IGF1R: variants seen among roughly 807,000 people sequenced by gnomAD.
The protein encoded by IGF1R is insulin-like growth factor 1 receptor.
A neutral mutation model predicts 144.6 loss-of-function variants in IGF1R; 44 were observed. The ratio of observed to expected loss-of-function variants is 0.30; its 90% CI spans 0.24 to 0.39. IGF1R has a LOEUF of 0.39. Ranked by LOEUF, IGF1R falls within the 10% of genes least tolerant of loss-of-function variation. The pLI is 1.00. For synonymous variants in IGF1R, 795 were observed against 722.8 expected, an observed-to-expected ratio of 1.10 and a Z score of -1.60; for missense variants, 1,355 against 1,833.7, an observed-to-expected ratio of 0.74 and a Z score of 4.77.
chr15:98,766,213 A>C (rs2055434741), intron 2 of IGF1R, among the ~76,000 whole-genome samples: 2 of 152,210 alleles, frequency 1.3e-5, no homozygotes, highest in African/African-American at 4.8e-5. Flanking sequence ...CTAATTCACG[A>C]ATTCTAAAGC....
At chr15:98,651,406 C>T (rs1596140785) in intron 1 of IGF1R, among the ~76,000 whole-genome samples, 1 of 152,160 alleles carries the variant, frequency 6.6e-6, no homozygotes, top group African/African-American at 2.4e-5. Flanking sequence ...GAAAGCCTTC[C>T]GGCTCCCTTT....
rs1567055481 is a variant in IGF1R, at chr15:98,649,046, A to AGGT, written c.-534_-533insTGG. ...GAGCGGAGCCAGGAGGAGGAGGAGG[A>AGGT]GGGGGAGCCGCTCATTCATTTTGAC... On this transcript the variant is annotated 5_prime_UTR_variant, in exon 1 of 21. Transcript: ENST00000650285. 1 of 219,504 alleles carries AGGT rather than the reference A, an allele frequency of 4.6e-6. No individual in the cohort carries two copies. The highest frequency in any genetic ancestry group is 1.7e-4 in the South Asian group (1 of 5,938). 13.6% of individuals were successfully genotyped at this position (219,504 alleles called of 1,614,324 possible).
intron 2 of IGF1R, among the ~76,000 whole-genome samples, chr15:98,847,983 C>T (rs1355506280): frequency 6.6e-6 from 1 of 152,074 alleles, no homozygotes; most frequent in African/African-American, 2.4e-5. Flanking sequence ...GGCCCTGGGA[C>T]CATTGCTGGG....
intron 2 of IGF1R, among the ~76,000 whole-genome samples, chr15:98,859,240 C>T (rs1316560269): frequency 6.6e-6 from 1 of 152,178 alleles, no homozygotes; most frequent in African/African-American, 2.4e-5. Context: ...ATTGAAAGCA[C>T]ATTTCATTTA....
chr15:98,961,208 C>T lies in IGF1R; in HGVS notation c.*3766C>T, dbSNP rs2684788. 114,849 of 233,276 alleles carry T rather than the reference C, an allele frequency of 0.49. 28,745 individuals are homozygous for T. Among genetic ancestry groups the T allele is most frequent in the African/African-American group, 0.61 (27,749 of 45,348 alleles). 14.5% of individuals were successfully genotyped at this position (233,276 alleles called of 1,614,324 possible). A position where few individuals can be genotyped will look rare whatever the true frequency, so the allele number is the denominator to read the frequency against. On this transcript the variant is annotated 3_prime_UTR_variant, in exon 21 of 21. Coordinates refer to ENST00000650285, the MANE Select transcript of IGF1R (RefSeq NM_000875.5). ...CACTGTAGGTGACCCCTTGGAATAA[C>T]GGCCTCTCCTCTCGTGCACATACCT...
chr15:98,888,222 G>T (rs201489216), intron 2 of IGF1R, among the ~76,000 whole-genome samples: 1 of 152,188 alleles, frequency 6.6e-6, no homozygotes, highest in East Asian at 1.9e-4. Context: ...GCGTGCATCT[G>T]TCTGGCACAC....
intron 15 of IGF1R, among the ~76,000 whole-genome samples, chr15:98,930,881 TC>T (rs1017129253): frequency 1.3e-5 from 2 of 152,198 alleles, no homozygotes; most frequent in Non-Finnish European, 2.9e-5. Flanking sequence ...AGTTGGGTGA[TC>T]CTCAATGGTT....
chr15:98,895,222 CCACACACACACACACACACACA>C (rs10704966), intron 3 of IGF1R, among the ~76,000 whole-genome samples: 69 of 143,226 alleles, frequency 4.8e-4, no homozygotes, highest in Non-Finnish European at 7.0e-4. Context: ...TGACACAGCA[CCACACACACACACACACACACA>C]CACACACACA....
chr15:98,659,120 C>T lies in IGF1R; in HGVS notation c.94+9445C>T, dbSNP rs551000682. 3.3e-5 allele frequency among the ~76,000 whole-genome samples: 5 copies of T among 152,288 alleles called. No homozygotes were observed. The East Asian group carries it at 7.7e-4, about 23-fold the overall frequency. ...AAGGCTTACTTGATGTTTGATTGTC[C>T]TTGCCATTTAAATATGTTATAGAAC... is the stretch of plus-strand genomic sequence containing the variant. On this transcript the variant is annotated intron_variant, in intron 1 of 20. Transcript: ENST00000650285.
rs1384266878 is a variant in IGF1R at position 98,960,552 on chromosome 15, C to T, written c.*3110C>T. 5 of 233,392 alleles carry T rather than the reference C, an allele frequency of 2.1e-5. No homozygotes were observed. Among genetic ancestry groups the T allele is most frequent in the Non-Finnish European group, 4.2e-5 (5 of 118,228 alleles). 14.5% of individuals were successfully genotyped at this position (233,392 alleles called of 1,614,324 possible). On this transcript the variant is annotated 3_prime_UTR_variant, in exon 21 of 21. Coordinates refer to ENST00000650285, the MANE Select transcript of IGF1R (RefSeq NM_000875.5). ...AGGCAGCACCATCTCTGTGCGAATC[C>T]CCAGGGTAAAGGCGTGGGGCATTGG...
At chr15:98,696,612 T>A (rs1407154411) in intron 1 of IGF1R, among the ~76,000 whole-genome samples, 2 of 152,202 alleles carry the variant, frequency 1.3e-5, no homozygotes, top group African/African-American at 2.4e-5. Context: ...TTTGTAGCAG[T>A]GTTTTTCTTC....
At chr15:98,836,517 T>C (rs2057105297) in intron 2 of IGF1R, among the ~76,000 whole-genome samples, 1 of 140,460 alleles carries the variant, frequency 7.1e-6, no homozygotes, top group African/African-American at 2.9e-5. Flanking sequence ...AGACCCTGTC[T>C]CTTTAAAAAA....
At chr15:98,953,448 C>T (rs950516989) in intron 20 of IGF1R, among the ~76,000 whole-genome samples, 1 of 152,170 alleles carries the variant, frequency 6.6e-6, no homozygotes, top group African/African-American at 2.4e-5. Flanking sequence ...CAGCCCAGAT[C>T]TCGGTATTTA....
At chr15:98,825,038 T>C (rs73479799) in intron 2 of IGF1R, among the ~76,000 whole-genome samples, 7,101 of 152,166 alleles carry the variant, frequency 0.047, 542 homozygotes, top group African/African-American at 0.16. Flanking sequence ...AGTTTCACCA[T>C]GTTGGCCAGG....
intron 2 of IGF1R, among the ~76,000 whole-genome samples, chr15:98,802,133 T>C (rs2056376475): frequency 6.6e-6 from 1 of 152,158 alleles, no homozygotes; most frequent in Non-Finnish European, 1.5e-5. Flanking sequence ...GGTTTGTTAC[T>C]CTAAAAATGA....
intron 2 of IGF1R, among the ~76,000 whole-genome samples, chr15:98,733,954 C>T (rs537425867): frequency 2.6e-5 from 4 of 152,220 alleles, no homozygotes; most frequent in African/African-American, 7.2e-5. Flanking sequence ...TTACATACCC[C>T]GGAAGTCCTT....
At chr15:98,818,180 T>G (rs2056734169) in intron 2 of IGF1R, among the ~76,000 whole-genome samples, 1 of 152,190 alleles carries the variant, frequency 6.6e-6, no homozygotes, top group Admixed American at 6.5e-5. Context: ...CATGAGGGGT[T>G]AGGGTTCCTA....
intron 1 of IGF1R, among the ~76,000 whole-genome samples, chr15:98,697,655 C>T (rs2053625116): frequency 6.6e-6 from 1 of 152,062 alleles, no homozygotes. Flanking sequence ...CTCAGCTGTC[C>T]ACTTGCACTT....
intron 1 of IGF1R, chr15:98,651,102 G>T: frequency 3.1e-6 from 3 of 978,112 alleles, no homozygotes; most frequent in Non-Finnish European, 3.6e-6. Flanking sequence ...GTTGCCGAGG[G>T]TATGCAGGTG....
Sources: allele counts gnomAD v4.1 joint callset (sites outside exome capture counted in the v4.1 genomes callset), GRCh38; gene constraint gnomAD v4.1.1; transcripts MANE v1.5; gene names NCBI Gene and HGNC (gene_info 2026-07-23, HGNC 2026-07-21).